The following FAM193A variants were observed in gnomAD, a reference collection of about 807,000 sequenced individuals.
The protein encoded by FAM193A is protein FAM193A.
In FAM193A, 22 loss-of-function variants were observed where a neutral mutation model predicts 126.5. The observed-to-expected ratio is 0.17, with a 90% confidence interval of 0.12 to 0.25. The LOEUF is 0.25. Among genes scored for constraint, FAM193A ranks in the 10% least tolerant of loss-of-function variants. The pLI, the probability that FAM193A is intolerant of heterozygous loss-of-function variation, is 1.00. For synonymous variants in FAM193A, 761 were observed against 646.8 expected (o/e 1.18, Z -2.68); for missense variants, 1,675 against 1,672.8 (o/e 1.00, Z -0.02).
At chr4:2,579,390 T>TA (rs988109764) in intron 1 of FAM193A, among the ~76,000 whole-genome samples, 2 of 150,460 alleles carry the variant, frequency 1.3e-5, no homozygotes, top group African/African-American at 4.9e-5. Flanking sequence ...TCCTAGCAGT[T>TA]ACAAAGTGCA....
intron 2 of FAM193A, among the ~76,000 whole-genome samples, chr4:2,619,325 G>A (rs372367744): frequency 4.6e-5 from 7 of 151,374 alleles, no homozygotes; most frequent in Admixed American, 2.6e-4. Context: ...TTTTTGAGAC[G>A]GAGTCCTCAG....
At chr4:2,538,221 C>G (rs941151516) in intron 1 of FAM193A, among the ~76,000 whole-genome samples, 1 of 148,846 alleles carries the variant, frequency 6.7e-6, no homozygotes. Context: ...CTTTTGAGAA[C>G]GGAGTCTCGC....
At chr4:2,637,576 G>T (rs1196091171) in intron 5 of FAM193A, among the ~76,000 whole-genome samples, 3 of 152,126 alleles carry the variant, frequency 2.0e-5, no homozygotes, top group African/African-American at 7.2e-5. Context: ...TTTGTAGTGG[G>T]AAGTGAGAAC....
intron 20 of FAM193A, among the ~76,000 whole-genome samples, chr4:2,730,132 G>C (rs1317411465): frequency 6.6e-6 from 1 of 151,498 alleles, no homozygotes; most frequent in Non-Finnish European, 1.5e-5. Context: ...GGTCTCAAAC[G>C]CCTGGGTTCA....
At chr4:2,592,347 C>CA (rs1248723389) in intron 1 of FAM193A, among the ~76,000 whole-genome samples, 2 of 152,134 alleles carry the variant, frequency 1.3e-5, no homozygotes, top group Non-Finnish European at 2.9e-5. Flanking sequence ...CTCGGCCTCA[C>CA]AGAGTGTTGG....
intron 13 of FAM193A, among the ~76,000 whole-genome samples, chr4:2,676,548 G>A (rs1052512475): frequency 6.6e-6 from 1 of 152,034 alleles, no homozygotes; most frequent in African/African-American, 2.4e-5. Flanking sequence ...TTTCTATTCT[G>A]GATATTAGTC....
chr4:2,724,295 T>C (rs1388665736), intron 20 of FAM193A, among the ~76,000 whole-genome samples: 1 of 151,730 alleles, frequency 6.6e-6, no homozygotes, highest in Admixed American at 6.6e-5. Flanking sequence ...TTCTTTTCCA[T>C]CTGTTTTTCA....
chr4:2,593,899 T>G (rs1370670705), intron 1 of FAM193A, among the ~76,000 whole-genome samples: 1 of 151,896 alleles, frequency 6.6e-6, no homozygotes, highest in Non-Finnish European at 1.5e-5. Flanking sequence ...TCATTTAGGC[T>G]TTTGGGATTT....
chr4:2,668,022 G>T (rs1200119761), intron 12 of FAM193A, among the ~76,000 whole-genome samples: 1 of 152,040 alleles, frequency 6.6e-6, no homozygotes, highest in African/African-American at 2.4e-5. Context: ...TCCTGCCTCA[G>T]CCTCCTTAGT....
intron 1 of FAM193A, among the ~76,000 whole-genome samples, chr4:2,546,657 T>A (rs28821556): frequency 0.066 from 10,000 of 152,256 alleles, 577 homozygotes; most frequent in African/African-American, 0.15. Flanking sequence ...TACCACAGTT[T>A]GTCCATTTTT....
intron 6 of FAM193A, among the ~76,000 whole-genome samples, chr4:2,641,931 A>G (rs895480257): frequency 1.3e-5 from 2 of 150,922 alleles, no homozygotes; most frequent in African/African-American, 4.9e-5. Context: ...GCGAGACCCC[A>G]TCTCTTAAAA....
chr4:2,543,779 A>AC (rs1281173979), intron 1 of FAM193A, among the ~76,000 whole-genome samples: 4 of 145,738 alleles, frequency 2.7e-5, no homozygotes, highest in Non-Finnish European at 6.0e-5. Flanking sequence ...AATCGCCTGA[A>AC]CCCGGGGTGG....
intron 1 of FAM193A, among the ~76,000 whole-genome samples, chr4:2,563,304 C>G (rs1408516421): frequency 6.6e-6 from 1 of 152,186 alleles, no homozygotes; most frequent in Non-Finnish European, 1.5e-5. Context: ...GAGACACTTC[C>G]AATTCAGGAA....
chr4:2,655,718 C>T (rs1711595428), intron 7 of FAM193A, among the ~76,000 whole-genome samples: 1 of 151,908 alleles, frequency 6.6e-6, no homozygotes, highest in African/African-American at 2.4e-5. Context: ...ATCGCTTGAG[C>T]CCAGGAGTTT....
intron 20 of FAM193A, among the ~76,000 whole-genome samples, chr4:2,729,674 G>A (rs998989639): frequency 5.3e-5 from 8 of 152,084 alleles, no homozygotes; most frequent in African/African-American, 1.4e-4. Flanking sequence ...ACCTGCCACC[G>A]GCAACAGGCT....
chr4:2,665,887 C>T lies in FAM193A; in HGVS notation c.2079+2599C>T, dbSNP rs150756809. The stretch of plus-strand genomic sequence containing the variant: ...TTTGAGACGGAGTCTCGCTCTGTTG[C>T]CCAGGCTGGTGTGCAGTGGTGCTAT... On this transcript the variant is annotated intron_variant, in intron 12 of 20. Transcript: ENST00000637812. 3.8e-3 allele frequency among the ~76,000 whole-genome samples: 582 copies of T among 152,228 alleles called. 2 individuals carry two copies. The highest frequency in any genetic ancestry group is 0.011 in the African/African-American group (472 of 41,538).
Position 2,732,239 on chromosome 4 carries a change from C to A in FAM193A, c.*371C>A, listed in dbSNP as rs1395824461. On this transcript the variant is annotated 3_prime_UTR_variant, in exon 21 of 21. Coordinates refer to ENST00000637812, the MANE Select transcript of FAM193A (RefSeq NM_001366318.2). ...CTGTCATGTGTCCTCACCGGGGTATCGGCCGTCACTCAGCTCTCCTGTGCC... is the reference window on the plus strand; with the variant it reads ...CTGTCATGTGTCCTCACCGGGGTATAGGCCGTCACTCAGCTCTCCTGTGCC... 1 of 251,824 alleles carries A rather than the reference C, an allele frequency of 4.0e-6. No individual in the cohort carries two copies. The allele number at this position is 251,824 out of a possible 1,614,324, so 15.6% of individuals were successfully genotyped here.
rs1227514616 is a variant in FAM193A at position 2,548,727 on chromosome 4, G to T, written c.255+11557G>T. 1.3e-4 allele frequency among the ~76,000 whole-genome samples: 20 copies of T among 151,778 alleles called. 1 individual carries two copies. The highest frequency in any genetic ancestry group is 1.5e-5 in the Non-Finnish European group (1 of 67,852). ...CGGCCTCAGCCTCCCAAAGTGCTGGGATTATAGGTGTGAGCCACCGGACCC... is the reference window on the plus strand; with the variant it reads ...CGGCCTCAGCCTCCCAAAGTGCTGGTATTATAGGTGTGAGCCACCGGACCC... On this transcript the variant is annotated intron_variant, in intron 1 of 20. Transcript: ENST00000637812.
chr4:2,647,676 C>G (rs1161348395), intron 7 of FAM193A, among the ~76,000 whole-genome samples: 1 of 152,174 alleles, frequency 6.6e-6, no homozygotes, highest in Non-Finnish European at 1.5e-5. Context: ...GACGGCGCCC[C>G]CTCCCCCCGC....
Sources: gnomAD v4.1 joint callset for allele counts (sites outside exome capture counted in the v4.1 genomes callset) on GRCh38, gnomAD v4.1.1 for gene constraint, MANE v1.5 for transcripts, NCBI Gene and HGNC (gene_info 2026-07-23, HGNC 2026-07-21) for gene names.